The following LRBA variants were observed in gnomAD, a reference collection of about 807,000 sequenced individuals.
LRBA encodes lipopolysaccharide-responsive and beige-like anchor protein.
A neutral mutation model predicts 330.0 loss-of-function variants in LRBA; 176 were observed. The observed-to-expected ratio is 0.53, with a 90% CI of 0.47 to 0.60. The LOEUF is 0.60. LRBA is among the 20% of genes least tolerant of loss of function. The pLI is 0.00. For missense variants in LRBA, 3,259 were observed against 3,444.8 expected, an observed-to-expected ratio of 0.95 and a Z score of 1.35; for synonymous variants, 1,230 against 1,193.0, an observed-to-expected ratio of 1.03 and a Z score of -0.64.
chr4:150,435,815 G>A (rs1163677234), intron 45 of LRBA, 107 bp from the exon 46 acceptor site: 1 of 684,396 alleles, frequency 1.5e-6, no homozygotes, highest in East Asian at 2.9e-5. Flanking sequence ...GCATTCACTA[G>A]TAATATAAAC....
At chr4:150,654,108 A>C (rs1449616943) in intron 37 of LRBA, among the ~76,000 whole-genome samples, 2 of 152,136 alleles carry the variant, frequency 1.3e-5, no homozygotes, top group Non-Finnish European at 2.9e-5. Context: ...CCATTGATTT[A>C]AAAATTTTTA....
chr4:150,850,862 G>A lies in LRBA; in HGVS notation c.3866C>T (p.Pro1289Leu), dbSNP rs1361843027. ...CCTCCTTTGTCCATTAACTGCATCT[G>A]GTGCTATTCCTTGCCCTGGCTGCTC... The part of the protein sequence containing the change: ...QHEQPGQGIA[P>L]DAVNGQRRDS... Residue 1289 changes from proline to leucine, a missense_variant, in exon 24 of 57, where the codon CCA (proline) becomes CTA (leucine). By Grantham distance (98) the Pro-to-Leu change is moderately conservative. Transcript: ENST00000651943. 5.0e-6 allele frequency: 8 copies of A among 1,613,124 alleles called. No individual in the cohort carries two copies. Among genetic ancestry groups the A allele is most frequent in the African/African-American group, 1.3e-5 (1 of 74,866 alleles).
chr4:150,844,707 G>C lies in LRBA; in HGVS notation c.4412C>G (p.Ala1471Gly), dbSNP rs758834439. The C allele has an allele frequency of 7.4e-6, 12 of 1,612,990 alleles. No individual in the cohort carries two copies. Among genetic ancestry groups the C allele is most frequent in the Non-Finnish European group, 9.3e-6 (11 of 1,179,138 alleles). ...HSQLKTRGDK[A>G]LKPMHSLIPL... ...AATAAGGCTATGCATTGGTTTCAAGGCTTTATCTCCCCTAGTTTTCAGTTG... is the reference window on the plus strand; with the variant it reads ...AATAAGGCTATGCATTGGTTTCAAGCCTTTATCTCCCCTAGTTTTCAGTTG... Residue 1471 changes from alanine to glycine, a missense_variant, in exon 27 of 57, where the codon GCC becomes GGC. Coordinates refer to ENST00000651943, the MANE Select transcript of LRBA (RefSeq NM_001364905.1).
At chr4:151,003,767 G>C (rs990105453) in intron 2 of LRBA, among the ~76,000 whole-genome samples, 4 of 151,982 alleles carry the variant, frequency 2.6e-5, no homozygotes, top group Non-Finnish European at 4.4e-5. Context: ...ACTCTAGCCT[G>C]GGCAACAGAG....
intron 22 of LRBA, among the ~76,000 whole-genome samples, chr4:150,863,996 T>G (rs1474237431): frequency 1.3e-5 from 2 of 152,154 alleles, no homozygotes; most frequent in African/African-American, 4.8e-5. Flanking sequence ...TGGAGTGCAG[T>G]GGTACGATCT....
chr4:150,677,114 A>G (rs557181445), intron 37 of LRBA, among the ~76,000 whole-genome samples: 1 of 152,224 alleles, frequency 6.6e-6, no homozygotes, highest in South Asian at 2.1e-4. Flanking sequence ...TTTTAAGACT[A>G]ATAGTTTACC....
intron 20 of LRBA, among the ~76,000 whole-genome samples, chr4:150,869,095 AT>A (rs1259355399): frequency 2.0e-5 from 3 of 151,892 alleles, no homozygotes; most frequent in Admixed American, 1.3e-4. Flanking sequence ...TAATTTTTGT[AT>A]TTTTAGTAGA....
chr4:150,340,037 G>A (rs551314074), intron 48 of LRBA, among the ~76,000 whole-genome samples: 3 of 151,888 alleles, frequency 2.0e-5, no homozygotes, highest in East Asian at 1.9e-4. Context: ...GTTTTATAAC[G>A]GGCATCCTCC....
intron 2 of LRBA, among the ~76,000 whole-genome samples, chr4:151,003,396 CA>C (rs55783969): frequency 0.83 from 74,224 of 89,310 alleles, 29,833 homozygotes; most frequent in South Asian, 0.91. Flanking sequence ...GATTCGGTTT[CA>C]AAAAAAAAAA....
chr4:150,564,612 G>C (rs1406457610), intron 40 of LRBA, among the ~76,000 whole-genome samples: 1 of 152,032 alleles, frequency 6.6e-6, no homozygotes, highest in Non-Finnish European at 1.5e-5. Flanking sequence ...CTACAGAATG[G>C]GGGAAAATGT....
intron 14 of LRBA, among the ~76,000 whole-genome samples, chr4:150,898,392 TG>T (rs1172902658): frequency 6.6e-6 from 1 of 152,144 alleles, no homozygotes; most frequent in African/African-American, 2.4e-5. Context: ...TGGTCACACA[TG>T]GCTCACATTA....
chr4:150,606,956 G>A (rs754533682), intron 37 of LRBA, among the ~76,000 whole-genome samples: 5 of 152,138 alleles, frequency 3.3e-5, no homozygotes, highest in African/African-American at 4.8e-5. Flanking sequence ...GTAAACCGAT[G>A]ACTTTTAAAC....
chr4:150,272,373 C>G (rs1293485486), intron 56 of LRBA, among the ~76,000 whole-genome samples: 1 of 151,878 alleles, frequency 6.6e-6, no homozygotes, highest in Non-Finnish European at 1.5e-5. Flanking sequence ...TGGGGAGAAA[C>G]CAGTGCAAAA....
intron 36 of LRBA, among the ~76,000 whole-genome samples, chr4:150,700,758 C>CTT (rs35721808): frequency 0.025 from 3,616 of 141,916 alleles, 138 homozygotes; most frequent in African/African-American, 0.084. Flanking sequence ...CTATAATTTC[C>CTT]TTTTTTTTTT....
intron 46 of LRBA, among the ~76,000 whole-genome samples, chr4:150,429,734 C>T (rs1232464867): frequency 1.3e-5 from 2 of 152,026 alleles, no homozygotes; most frequent in African/African-American, 4.8e-5. Context: ...TTTGCAATCC[C>T]ATCTCCCCCA....
At chr4:150,485,439 A>G (rs1757760574) in intron 42 of LRBA, among the ~76,000 whole-genome samples, 1 of 151,968 alleles carries the variant, frequency 6.6e-6, no homozygotes, top group African/African-American at 2.4e-5. Flanking sequence ...TATATTGAAG[A>G]GCTACCTCCC....
At chr4:150,929,732 T>A (rs1312016259) in intron 2 of LRBA, among the ~76,000 whole-genome samples, 1 of 152,170 alleles carries the variant, frequency 6.6e-6, no homozygotes, top group African/African-American at 2.4e-5. Context: ...AAATAAATCG[T>A]AATTGTGTAA....
At chr4:150,940,541 T>C (rs1735557370) in intron 2 of LRBA, among the ~76,000 whole-genome samples, 2 of 152,248 alleles carry the variant, frequency 1.3e-5, no homozygotes, top group Admixed American at 6.5e-5. Context: ...TAAGTACTTT[T>C]ATATACTTTA....
chr4:150,466,755 T>C (rs1160057251), intron 44 of LRBA, among the ~76,000 whole-genome samples: 1 of 151,992 alleles, frequency 6.6e-6, no homozygotes. Context: ...AAAATGAGGG[T>C]AGAGACTTTG....
Sources: allele counts gnomAD v4.1 joint callset (sites outside exome capture counted in the v4.1 genomes callset), GRCh38; gene constraint gnomAD v4.1.1; transcripts MANE v1.5; gene names NCBI Gene and HGNC (gene_info 2026-07-23, HGNC 2026-07-21).